The following CEP85 variants were observed in gnomAD, a reference collection of about 807,000 sequenced individuals.
CEP85 encodes centrosomal protein of 85 kDa.
CEP85 carries 58 observed loss-of-function variants against 93.7 expected under a neutral mutation model. The observed-to-expected ratio is 0.62, with a 90% confidence interval of 0.50 to 0.77. The LOEUF (loss-of-function observed/expected upper bound fraction) is 0.77, where lower values mean the gene tolerates loss of function less well. Among genes scored for constraint, CEP85 ranks in the 30% least tolerant of loss-of-function variants. The pLI is 0.00. For missense variants in CEP85, 868 were observed against 922.0 expected, an observed-to-expected ratio of 0.94 and a Z score of 0.76; for synonymous variants, 314 against 338.6, an observed-to-expected ratio of 0.93 and a Z score of 0.80.
At chr1:26,258,289 T>C (rs1276531603) in intron 6 of CEP85, 29 bp downstream of exon 6, 4 of 1,429,460 alleles carry the variant, frequency 2.8e-6, no homozygotes, top group Admixed American at 1.7e-5. Context: ...GATGGCATTC[T>C]GTTTGTCATA....
At chr1:26,237,061 A>G (rs1237114376) in intron 1 of CEP85, among the ~76,000 whole-genome samples, 1 of 152,084 alleles carries the variant, frequency 6.6e-6, no homozygotes, top group African/African-American at 2.4e-5. Context: ...TCCAGAAGGG[A>G]GGAGGGTATA....
At chr1:26,238,096 A>T (rs1270293358) in intron 1 of CEP85, among the ~76,000 whole-genome samples, 2 of 151,106 alleles carry the variant, frequency 1.3e-5, no homozygotes, top group African/African-American at 4.9e-5. Context: ...TTCTCTTAGT[A>T]ACAAGAGAAT....
chr1:26,256,956 T>TGTGTGTGTGTGTGTGTGTGTG (rs1557658491), intron 4 of CEP85, among the ~76,000 whole-genome samples: 1 of 149,518 alleles, frequency 6.7e-6, no homozygotes, highest in Admixed American at 6.7e-5. Flanking sequence ...TGTGTGTGTG[T>TGTGTGTGTGTGTGTGTGTGTG]TTTGGAGACA....
At chr1:26,254,694 G>C (rs1242908515) in intron 3 of CEP85, 1 of 167,416 alleles carries the variant, frequency 6.0e-6, no homozygotes, top group Admixed American at 5.6e-5. Context: ...GTTTGGACTC[G>C]TTGCTCACCT....
chr1:26,275,117 G>C, intron 12 of CEP85, 46 bp downstream of exon 12: 1 of 1,434,130 alleles, frequency 7.0e-7, no homozygotes, highest in South Asian at 1.2e-5. Flanking sequence ...CCACAAACCC[G>C]ATTTCTTTGT....
At position 26,257,633 on chromosome 1, in the gene CEP85, T is replaced by G; in HGVS notation, c.940T>G (p.Phe314Val). The G allele has an allele frequency of 3.1e-6, 5 of 1,614,188 alleles. No homozygotes were observed. Among genetic ancestry groups the G allele is most frequent in the Non-Finnish European group, 4.2e-6 (5 of 1,180,026 alleles). The change falls in exon 5 of 14, where the codon TTT becomes GTT. Residue 314 changes from phenylalanine to valine, a missense_variant. Physicochemically the swap from Phe to Val is conservative, Grantham distance 50. Transcript: ENST00000451429. ...AGCCATCTGCCACCATCCTGCTGCT[T>G]TTGGTCCTTCACTGCCCATCTTAGA... ...NGAICHHPAA[F>V]GPSLPILEPA...
chr1:26,247,040 T>C (rs535370719), intron 3 of CEP85, among the ~76,000 whole-genome samples: 3 of 152,270 alleles, frequency 2.0e-5, no homozygotes, highest in African/African-American at 7.2e-5. Flanking sequence ...GTCAGATCAG[T>C]GGCGGGATTA....
intron 11 of CEP85, 174 bp downstream of exon 11, chr1:26,272,245 G>A (rs558354485): frequency 3.0e-4 from 197 of 653,276 alleles, no homozygotes; most frequent in Non-Finnish European, 4.4e-4. Context: ...ATATAGTAGG[G>A]AGTTTCAGCA....
chr1:26,238,455 C>G (rs751360171), intron 1 of CEP85, among the ~76,000 whole-genome samples: 7 of 151,882 alleles, frequency 4.6e-5, no homozygotes, highest in Non-Finnish European at 1.0e-4. Flanking sequence ...CTCGGCCTCC[C>G]AAAGTGCTGG....
intron 3 of CEP85, among the ~76,000 whole-genome samples, chr1:26,252,948 A>G (rs2089641633): frequency 6.6e-6 from 1 of 151,844 alleles, no homozygotes; most frequent in African/African-American, 2.4e-5. Context: ...CTCTGTTTCT[A>G]TGTGTCGAGG....
chr1:26,235,064 G>A (rs1447493485), intron 1 of CEP85, among the ~76,000 whole-genome samples: 2 of 152,222 alleles, frequency 1.3e-5, no homozygotes, highest in East Asian at 1.9e-4. Flanking sequence ...GAAGGAGCTG[G>A]TGCTTTGGTT....
chr1:26,274,265 A>G (rs2090021886), intron 11 of CEP85, among the ~76,000 whole-genome samples: 1 of 152,148 alleles, frequency 6.6e-6, no homozygotes, highest in South Asian at 2.1e-4. Context: ...TCTGAACAGC[A>G]TTTAGTAGAC....
intron 8 of CEP85, 51 bp from the exon 9 acceptor site, chr1:26,269,409 C>T: frequency 6.4e-7 from 1 of 1,573,336 alleles, no homozygotes; most frequent in Non-Finnish European, 8.7e-7. Flanking sequence ...AAGCATTTTG[C>T]ATTTATAACA....
At chr1:26,263,510 C>G (rs1478743791) in intron 7 of CEP85, 1 of 154,822 alleles carries the variant, frequency 6.5e-6, no homozygotes, top group African/African-American at 2.4e-5. Context: ...ATGGCAAAAG[C>G]TACAAAAAAT....
chr1:26,237,844 A>G (rs1180612087), intron 1 of CEP85, among the ~76,000 whole-genome samples: 1 of 152,154 alleles, frequency 6.6e-6, no homozygotes, highest in East Asian at 1.9e-4. Flanking sequence ...AGGAGTGAAG[A>G]AAAGGATTTT....
intron 1 of CEP85, among the ~76,000 whole-genome samples, chr1:26,239,374 T>C (rs2089383379): frequency 6.6e-6 from 1 of 152,154 alleles, no homozygotes; most frequent in Non-Finnish European, 1.5e-5. Flanking sequence ...TTTTTTGAGA[T>C]GGAGTCTTGC....
At chr1:26,244,409 TC>T in intron 3 of CEP85, 91 bp downstream of exon 3, 2 of 1,156,756 alleles carry the variant, frequency 1.7e-6, no homozygotes, top group Non-Finnish European at 2.5e-6. Flanking sequence ...TTGTGTTATT[TC>T]CAGAATGTTC....
At chr1:26,274,287 G>T (rs1278864727) in intron 11 of CEP85, among the ~76,000 whole-genome samples, 3 of 152,102 alleles carry the variant, frequency 2.0e-5, no homozygotes. Context: ...GTATTGTCAA[G>T]AGCACTTGAC....
Position 26,255,590 on chromosome 1 carries a change from C to G in CEP85, c.628C>G (p.Pro210Ala). 1.9e-6 allele frequency: 3 copies of G among 1,614,100 alleles called. No homozygotes were observed. Among genetic ancestry groups the G allele is most frequent in the Non-Finnish European group, 2.5e-6 (3 of 1,180,024 alleles). Residue 210 changes from proline to alanine, a missense_variant, in exon 4 of 14, where the codon CCA becomes GCA. By Grantham distance (27) the Pro-to-Ala change is conservative. Transcript: ENST00000451429. The part of the protein sequence containing the change: ...DPHHRVRFHN[P>A]RTSTSKELYR... Reference sequence around the variant, plus strand: ...TCACCACCGAGTCCGCTTCCACAACCCAAGAACCAGCACAAGTAAGGAGTT... The same window carrying G: ...TCACCACCGAGTCCGCTTCCACAACGCAAGAACCAGCACAAGTAAGGAGTT...
Sources: allele counts gnomAD v4.1 joint callset (sites outside exome capture counted in the v4.1 genomes callset), GRCh38; gene constraint gnomAD v4.1.1; transcripts MANE v1.5; gene names NCBI Gene and HGNC (gene_info 2026-07-23, HGNC 2026-07-21).